Variants in HAUS2 observed in about 807,000 individuals in gnomAD.
The protein encoded by HAUS2 is HAUS augmin-like complex subunit 2.
Under a neutral mutation model 21.6 loss-of-function variants are expected in HAUS2, and 20 were observed. The ratio of observed to expected loss-of-function variants is 0.93; its 90% CI spans 0.65 to 1.35. HAUS2 has a LOEUF of 1.35. Among genes scored for constraint, HAUS2 ranks in the 40% most tolerant of loss-of-function variants. The pLI is 0.00. For missense variants in HAUS2, 297 were observed against 280.7 expected (o/e 1.06, Z -0.42); for synonymous variants, 113 against 95.6 (o/e 1.18, Z -1.06).
intron 2 of HAUS2, among the ~76,000 whole-genome samples, chr15:42,559,045 C>T (rs2141599741): frequency 6.6e-6 from 1 of 152,148 alleles, no homozygotes; most frequent in South Asian, 2.1e-4. Flanking sequence ...TACATGTTTA[C>T]TTACTAATAG....
intron 3 of HAUS2, among the ~76,000 whole-genome samples, 195 bp downstream of exon 3, chr15:42,559,603 A>T (rs1409133237): frequency 1.3e-5 from 2 of 152,218 alleles, no homozygotes; most frequent in African/African-American, 2.4e-5. Flanking sequence ...ATAAAAAGTC[A>T]CCAAATTGGC....
chr15:42,549,091 G>A (rs2057689754), intron 1 of HAUS2, 126 bp downstream of exon 1: 3 of 611,290 alleles, frequency 4.9e-6, no homozygotes, highest in Admixed American at 6.0e-5. Context: ...AGAGTAATAA[G>A]AGCCCCTTCC....
Position 42,565,389 on chromosome 15 carries a change from G to A in HAUS2, c.499-1218G>A, listed in dbSNP as rs1192862780. Among the ~76,000 whole-genome samples the A allele has an allele frequency of 6.7e-5, 5 of 74,184 alleles. No homozygotes were observed. The East Asian group carries it at 1.4e-3, about 21-fold the overall frequency. The allele number at this position is 74,184 out of a possible 152,430, so 48.7% of individuals were successfully genotyped here. On this transcript the variant is annotated intron_variant, in intron 5 of 5. Transcript: ENST00000260372. Reference sequence around the variant, plus strand: ...TCTGAGTATTGGGGAGCCATTGAATGTGTGTGTGTGTGTGTGTGTGTGTGT... The same window carrying A: ...TCTGAGTATTGGGGAGCCATTGAATATGTGTGTGTGTGTGTGTGTGTGTGT...
chr15:42,555,263 G>A (rs187508112), intron 1 of HAUS2, among the ~76,000 whole-genome samples: 1 of 152,168 alleles, frequency 6.6e-6, no homozygotes, highest in Non-Finnish European at 1.5e-5. Flanking sequence ...TGGGATTACA[G>A]CCGTGAGCCA....
At chr15:42,559,573 G>C (rs1311752062) in intron 3 of HAUS2, among the ~76,000 whole-genome samples, 165 bp downstream of exon 3, 1 of 152,060 alleles carries the variant, frequency 6.6e-6, no homozygotes, top group Non-Finnish European at 1.5e-5. Flanking sequence ...AGTTCTGTTG[G>C]CTTGAGTAGT....
At chr15:42,566,486 GGAGC>G in intron 5 of HAUS2, 117 bp from the exon 6 acceptor site, 1 of 641,102 alleles carries the variant, frequency 1.6e-6, no homozygotes, top group South Asian at 1.9e-5. Context: ...ACAGTTTTAA[GGAGC>G]TTTTGAAGTA....
rs2057811307 is a variant in HAUS2 at position 42,558,420 on chromosome 15, C to T, written c.186+130C>T. 9.3e-6 allele frequency: 5 copies of T among 535,682 alleles called. No homozygotes were observed. In the South Asian group the frequency reaches 9.4e-5, roughly 10 times the overall value. 33.2% of individuals were successfully genotyped at this position (535,682 alleles called of 1,614,324 possible). On this transcript the variant is annotated intron_variant, in intron 2 of 5. Coordinates refer to ENST00000260372, the MANE Select transcript of HAUS2 (RefSeq NM_018097.3). The stretch of plus-strand genomic sequence containing the variant: ...TCGGCTCACTGCAAACTCCGCCTCC[C>T]AGGTTCACGCCGTTCTTCTGCCTCA...
At chr15:42,558,052 T>C in intron 1 of HAUS2, 146 bp from the exon 2 acceptor site, 1 of 550,344 alleles carries the variant, frequency 1.8e-6, no homozygotes, top group Admixed American at 4.0e-5. Flanking sequence ...GAATTACACA[T>C]TGCTACTATT....
At chr15:42,550,374 C>CT (rs1406560613) in intron 1 of HAUS2, among the ~76,000 whole-genome samples, 6 of 151,532 alleles carry the variant, frequency 4.0e-5, no homozygotes, top group Non-Finnish European at 8.8e-5. Context: ...ATTAGAGACT[C>CT]TAATACCTTA....
Position 42,559,820 on chromosome 15 carries a change from G to C in HAUS2, c.256+412G>C, listed in dbSNP as rs1257999929. On this transcript the variant is annotated intron_variant, in intron 3 of 5. Coordinates refer to ENST00000260372, the MANE Select transcript of HAUS2 (RefSeq NM_018097.3). ...ACCCTCCCAAGTAGCTGGGATCACA[G>C]GTACATACCACCATGGCTGGCAATG... Among the ~76,000 whole-genome samples the C allele has an allele frequency of 2.0e-5, 3 of 152,100 alleles. No homozygotes were observed. The East Asian group carries it at 5.8e-4, about 29-fold the overall frequency.
intron 3 of HAUS2, among the ~76,000 whole-genome samples, chr15:42,560,063 A>G (rs1184328891): frequency 2.0e-5 from 3 of 152,132 alleles, no homozygotes; most frequent in African/African-American, 7.2e-5. Flanking sequence ...GCTGAGGCAG[A>G]AGGATTGTTT....
At chr15:42,549,513 C>G (rs1374946607) in intron 1 of HAUS2, among the ~76,000 whole-genome samples, 4 of 151,768 alleles carry the variant, frequency 2.6e-5, no homozygotes, top group African/African-American at 9.7e-5. Flanking sequence ...GTGGCGTGGT[C>G]TCGGCTCACT....
chr15:42,549,334 A>G (rs1281657568), intron 1 of HAUS2, among the ~76,000 whole-genome samples: 1 of 152,146 alleles, frequency 6.6e-6, no homozygotes, highest in East Asian at 1.9e-4. Context: ...CGGAACAAGC[A>G]TTTCCAACAA....
intron 1 of HAUS2, 54 bp downstream of exon 1, chr15:42,549,019 A>G: frequency 2.6e-6 from 3 of 1,154,718 alleles, no homozygotes; most frequent in East Asian, 5.1e-5. Context: ...TGGCAACAAT[A>G]TGGCTGTGAG....
At position 42,569,556 on chromosome 15, in the gene HAUS2, C is replaced by CT. The variant is rs2057940906; in HGVS notation, c.*2741dup. On this transcript the variant is annotated 3_prime_UTR_variant, in exon 6 of 6. Coordinates refer to ENST00000260372, the MANE Select transcript of HAUS2 (RefSeq NM_018097.3). ...TCCTGGGTTCAAACGACCCTCCCGC[C>CT]TCAGCCTCCGAAAGTGCTGGGAGTA... 1 of 152,364 alleles carries CT rather than the reference C, an allele frequency of 6.6e-6. No homozygotes were observed. The highest frequency in any genetic ancestry group is 6.5e-5 in the Admixed American group (1 of 15,296). The allele number at this position is 152,364 out of a possible 1,614,324, so 9.4% of individuals were successfully genotyped here.
intron 4 of HAUS2, among the ~76,000 whole-genome samples, chr15:42,562,077 G>C (rs1331199921): frequency 1.3e-5 from 2 of 152,126 alleles, no homozygotes; most frequent in Non-Finnish European, 2.9e-5. Context: ...TGAGCTGGGA[G>C]GGTGACCTGA....
intron 1 of HAUS2, among the ~76,000 whole-genome samples, chr15:42,550,320 G>A (rs1159249005): frequency 2.7e-5 from 4 of 149,456 alleles, no homozygotes; most frequent in African/African-American, 9.8e-5. Flanking sequence ...AAACATGATG[G>A]AAGATTTACG....
At chr15:42,560,837 C>G (rs1292227414) in intron 3 of HAUS2, 1 of 702,080 alleles carries the variant, frequency 1.4e-6, no homozygotes, top group Admixed American at 2.0e-5. Context: ...CCTCAATTCT[C>G]CCGTTTCAGT....
At position 42,548,845 on chromosome 15, in the gene HAUS2, G is replaced by T; in HGVS notation, c.-28G>T. ...CGCCCTGCGATCCCGCTCACTCTTG[G>T]CGCCTTCGCGGAAGGTGCGTCCGAG... On this transcript the variant is annotated 5_prime_UTR_variant, in exon 1 of 6. Coordinates refer to ENST00000260372, the MANE Select transcript of HAUS2 (RefSeq NM_018097.3). 6.6e-7 allele frequency: 1 copy of T among 1,523,818 alleles called. No homozygotes were observed. 94.4% of individuals were successfully genotyped at this position (1,523,818 alleles called of 1,614,324 possible).
Sources: gnomAD v4.1 joint callset for allele counts (sites outside exome capture counted in the v4.1 genomes callset) on GRCh38, gnomAD v4.1.1 for gene constraint, MANE v1.5 for transcripts, NCBI Gene and HGNC (gene_info 2026-07-23, HGNC 2026-07-21) for gene names.